SPAG5: variants seen among roughly 807,000 people sequenced by gnomAD.
SPAG5 encodes sperm associated antigen 5, also known as sperm-associated antigen 5.
A neutral mutation model predicts 145.4 loss-of-function variants in SPAG5; 99 were observed. That is an observed-to-expected ratio of 0.68 (90% CI 0.58 to 0.80). The LOEUF (loss-of-function observed/expected upper bound fraction) is 0.80, where lower values mean the gene tolerates loss of function less well. Among genes scored for constraint, SPAG5 ranks in the 30% least tolerant of loss-of-function variants. The pLI is 0.00. For synonymous variants in SPAG5, 477 were observed against 525.4 expected (o/e 0.91, Z 1.26); for missense variants, 1,192 against 1,416.0 (o/e 0.84, Z 2.54).
chr17:28,582,608 CTG>C (rs1398686428), intron 15 of SPAG5: 1 of 152,240 alleles, frequency 6.6e-6, no homozygotes, highest in Non-Finnish European at 1.5e-5. Context: ...CCATGCTAAA[CTG>C]TAGATTTGAT....
chr17:28,598,183 G>T (rs1380929186), intron 2 of SPAG5, among the ~76,000 whole-genome samples: 3 of 152,138 alleles, frequency 2.0e-5, no homozygotes, highest in Non-Finnish European at 2.9e-5. Flanking sequence ...CCTCAATCTT[G>T]CAGGTGACTG....
chr17:28,585,675 A>AG, intron 7 of SPAG5, 22 bp from the exon 8 acceptor site: 1 of 1,613,014 alleles, frequency 6.2e-7, no homozygotes. Context: ...AGTGGTTGCA[A>AG]GGCCACAGTG....
chr17:28,592,596 G>C lies in SPAG5; in HGVS notation c.648C>G (p.Cys216Trp), dbSNP rs114091923. Residue 216 changes from cysteine (C) to tryptophan (W), a missense_variant, in exon 3 of 24, where the codon TGC becomes TGG. Physicochemically the swap from Cys to Trp is radical, Grantham distance 215. This residue lies in a region of SPAG5 where 329 missense variants were observed against 354.0 expected (regional missense o/e 0.93). Coordinates refer to ENST00000321765, the MANE Select transcript of SPAG5 (RefSeq NM_006461.4). ...TTCTACTGCTCAGGCTTTCCTTGGAGCAATGTAGTTGTTCAGAACAGGGAT... is the reference window on the plus strand; with the variant it reads ...TTCTACTGCTCAGGCTTTCCTTGGACCAATGTAGTTGTTCAGAACAGGGAT... ...PPNPCSEQLH[C>W]SKESLSSRTE... 1.3e-4 allele frequency: 202 copies of C among 1,614,202 alleles called. 2 individuals carry two copies. The African/African-American group carries it at 2.4e-3, about 19-fold the overall frequency.
At chr17:28,591,940 G>A (rs2070624209) in intron 3 of SPAG5, 42 bp downstream of exon 3, 1 of 1,610,792 alleles carries the variant, frequency 6.2e-7, no homozygotes, top group East Asian at 2.2e-5. Context: ...GAAGGTCCAG[G>A]GTAATGGAAC....
Position 28,583,845 on chromosome 17 carries a change from G to A in SPAG5, c.2546+8C>T. On this transcript the variant is annotated splice_region_variant and intron_variant, in intron 14 of 23. Transcript: ENST00000321765. Reference sequence around the variant, plus strand: ...TTAGGGGGAAGTACAGAAAGTTAGAGAACTTACGTTAGGTTCTCTACAGTG... The same window carrying A: ...TTAGGGGGAAGTACAGAAAGTTAGAAAACTTACGTTAGGTTCTCTACAGTG... 7 of 1,602,694 alleles carry A rather than the reference G, an allele frequency of 4.4e-6. No homozygotes were observed. The highest frequency in any genetic ancestry group is 6.0e-6 in the Non-Finnish European group (7 of 1,171,792).
At chr17:28,587,672 C>T (rs962776698) in intron 4 of SPAG5, among the ~76,000 whole-genome samples, 5 of 140,742 alleles carry the variant, frequency 3.6e-5, no homozygotes, top group South Asian at 2.2e-4. Flanking sequence ...GAGCCATGTT[C>T]GTGCCACTGC....
At chr17:28,591,281 C>T (rs1391021194) in intron 4 of SPAG5, among the ~76,000 whole-genome samples, 1 of 152,136 alleles carries the variant, frequency 6.6e-6, no homozygotes, top group Non-Finnish European at 1.5e-5. Context: ...GGGGATTTTC[C>T]AGATCCTCAG....
In SPAG5 at chr17:28,585,584, C is replaced by G; in HGVS notation, c.1810G>C (p.Ala604Pro). Residue 604 changes from alanine to proline, a missense_variant, in exon 8 of 24, where the codon GCA becomes CCA. By Grantham distance (27) the Ala-to-Pro change is conservative (BLOSUM62 -1). Coordinates refer to ENST00000321765, the MANE Select transcript of SPAG5 (RefSeq NM_006461.4). Reference sequence around the variant, plus strand: ...AGGCCTCTGAATTCCCGCATGGATGCTAGGTCCTGTTCCAGCTGGCTGATG... The same window carrying G: ...AGGCCTCTGAATTCCCGCATGGATGGTAGGTCCTGTTCCAGCTGGCTGATG... ...QRISQLEQDL[A>P]SMREFRGLLK... The G allele has an allele frequency of 6.2e-7, 1 of 1,614,106 alleles. No homozygotes were observed. The highest frequency in any genetic ancestry group is 8.5e-7 in the Non-Finnish European group (1 of 1,180,038).
chr17:28,585,730 A>G (rs993259626), intron 7 of SPAG5, 77 bp from the exon 8 acceptor site: 133 of 1,609,146 alleles, frequency 8.3e-5, no homozygotes, highest in Non-Finnish European at 9.8e-5. Context: ...ATGACACCTC[A>G]ATAGATCAGT....
At chr17:28,598,326 C>T (rs907260846) in intron 2 of SPAG5, 184 bp downstream of exon 2, 1 of 588,592 alleles carries the variant, frequency 1.7e-6, no homozygotes, top group African/African-American at 1.9e-5. Context: ...GATTCAAGTT[C>T]TCACTGGATT....
Position 28,597,457 on chromosome 17 carries a change from G to A in SPAG5, c.177+1053C>T, listed in dbSNP as rs956086705. Among the ~76,000 whole-genome samples the A allele has an allele frequency of 6.6e-5, 10 of 152,184 alleles. No individual in the cohort carries two copies. The East Asian group carries it at 1.2e-3, about 18-fold the overall frequency. On this transcript the variant is annotated intron_variant, in intron 2 of 23. Coordinates refer to ENST00000321765, the MANE Select transcript of SPAG5 (RefSeq NM_006461.4). Reference sequence around the variant, plus strand: ...TCAATTCTTCAGTCACCTCAGCCACGTTTTAAGTGCTCAATAACCATGTGA... The same window carrying A: ...TCAATTCTTCAGTCACCTCAGCCACATTTTAAGTGCTCAATAACCATGTGA...
chr17:28,595,118 C>T (rs2070653102), intron 2 of SPAG5, among the ~76,000 whole-genome samples: 1 of 151,286 alleles, frequency 6.6e-6, no homozygotes, highest in Admixed American at 6.6e-5. Flanking sequence ...ATTAGCTGGG[C>T]ATGGTGGCGG....
chr17:28,579,920 G>A, intron 16 of SPAG5, 83 bp from the exon 17 acceptor site: 2 of 1,534,002 alleles, frequency 1.3e-6, no homozygotes, highest in Non-Finnish European at 1.8e-6. Context: ...GGGTAAGATA[G>A]ACAAGCCCGC....
chr17:28,581,216 G>C (rs545601658), intron 15 of SPAG5, among the ~76,000 whole-genome samples: 18 of 152,332 alleles, frequency 1.2e-4, no homozygotes, highest in South Asian at 4.1e-4. Context: ...AGTTGAGACA[G>C]AGACCATATG....
chr17:28,590,286 G>C (rs529002251), intron 4 of SPAG5, among the ~76,000 whole-genome samples: 1 of 152,122 alleles, frequency 6.6e-6, no homozygotes, highest in Non-Finnish European at 1.5e-5. Context: ...CTGGAGTGCA[G>C]TGTCAAGATC....
chr17:28,593,154 A>G (rs2070636346), intron 2 of SPAG5, 88 bp from the exon 3 acceptor site: 12 of 1,480,788 alleles, frequency 8.1e-6, no homozygotes, highest in Non-Finnish European at 1.0e-5. Context: ...CACTCAAAAA[A>G]GAAAAGAATT....
rs2070540749 is a variant in SPAG5 at position 28,580,110 on chromosome 17, T to A, written c.2696A>T (p.Glu899Val). Residue 899 changes from glutamate (E) to valine (V), a missense_variant, in exon 16 of 24, where the codon GAG becomes GTG. Glu to Val is a moderately radical substitution (Grantham distance 121). This residue lies in a region of SPAG5 where 709 missense variants were observed against 840.7 expected (regional missense o/e 0.84). Coordinates refer to ENST00000321765, the MANE Select transcript of SPAG5 (RefSeq NM_006461.4). ...QTKLKEKTEQ[E>V]TLLLSTACPP... The stretch of plus-strand genomic sequence containing the variant: ...ACAGGCTGTACTCAGCAGAAGGGTC[T>A]CTTGTTCAGTCTAAGGGCAAAGAAG... 6.2e-7 allele frequency: 1 copy of A among 1,613,170 alleles called. No individual in the cohort carries two copies. Among genetic ancestry groups the A allele is most frequent in the Middle Eastern group, 1.7e-4 (1 of 6,060 alleles).
At position 28,584,342 on chromosome 17, in the gene SPAG5, T is replaced by G. The variant is rs2070568934; in HGVS notation, c.2300A>C (p.Gln767Pro). 1.9e-6 allele frequency: 3 copies of G among 1,614,206 alleles called. No individual in the cohort carries two copies. The East Asian group carries it at 6.7e-5, about 36-fold the overall frequency. The change falls in exon 12 of 24, where the codon CAG (glutamine) becomes CCG (proline). Residue 767 changes from glutamine to proline, a missense_variant. Physicochemically the swap from Gln to Pro is moderately conservative, Grantham distance 76 (BLOSUM62 -1). Around this residue, in one of 5 missense-constraint regions of SPAG5, gnomAD observed 709 missense variants for 840.7 expected, o/e 0.84. Coordinates refer to ENST00000321765, the MANE Select transcript of SPAG5 (RefSeq NM_006461.4). The stretch of plus-strand genomic sequence containing the variant: ...CCCGTTAGGAACTCACTGAGCAGCC[T>G]GCTCCTCATTGCTCTGGGTAAGCTG... ...LCQLTQSNEE[Q>P]AAQWQKEEMA...
chr17:28,593,128 C>T lies in SPAG5; in HGVS notation c.178-62G>A. Reference sequence around the variant, plus strand: ...CAATTCAGTTCCCGACATACAATTACAGGTGCAAGATAGTGCACTCAAAAA... The same window carrying T: ...CAATTCAGTTCCCGACATACAATTATAGGTGCAAGATAGTGCACTCAAAAA... On this transcript the variant is annotated intron_variant, in intron 2 of 23. Transcript: ENST00000321765. 1.9e-6 allele frequency: 3 copies of T among 1,572,070 alleles called. No individual in the cohort carries two copies. The South Asian group carries it at 3.6e-5, about 19-fold the overall frequency.
Sources: allele counts gnomAD v4.1 joint callset (sites outside exome capture counted in the v4.1 genomes callset), GRCh38; gene constraint gnomAD v4.1.1; regional missense constraint gnomAD v4.1.1; transcripts MANE v1.5; gene names NCBI Gene and HGNC (gene_info 2026-07-23, HGNC 2026-07-21).